Variants in HERC2 observed in about 807,000 individuals in gnomAD.
The protein encoded by HERC2 is HECT and RLD domain containing E3 ubiquitin protein ligase 2, also known as E3 ubiquitin-protein ligase HERC2.
In HERC2, 102 loss-of-function variants were observed where a neutral mutation model predicts 537.7. The ratio of observed to expected loss-of-function variants is 0.19; its 90% CI spans 0.16 to 0.22. The LOEUF is 0.22. HERC2 is among the 10% of genes least tolerant of loss of function. The pLI is 1.00. For missense variants in HERC2, 4,236 were observed against 6,198.2 expected, an observed-to-expected ratio of 0.68 and a Z score of 10.63; for synonymous variants, 2,224 against 2,466.2, an observed-to-expected ratio of 0.90 and a Z score of 2.91.
chr15:28,307,805 A>G (rs563564645), intron 2 of HERC2, among the ~76,000 whole-genome samples: 23 of 152,330 alleles, frequency 1.5e-4, no homozygotes, highest in Middle Eastern at 3.4e-3. Flanking sequence ...TTTATTGAAG[A>G]GATTGTCTTT....
At chr15:28,305,992 C>G (rs1190909412) in intron 2 of HERC2, among the ~76,000 whole-genome samples, 1 of 152,118 alleles carries the variant, frequency 6.6e-6, no homozygotes, top group Non-Finnish European at 1.5e-5. Context: ...CATCTCACAC[C>G]AGTTAGAATG....
intron 69 of HERC2, among the ~76,000 whole-genome samples, chr15:28,156,400 T>A (rs529866403): frequency 2.6e-5 from 4 of 152,356 alleles, no homozygotes; most frequent in African/African-American, 9.6e-5. Context: ...TGGAATGTTA[T>A]TCCATTTGTT....
rs749652854 is a variant in HERC2, at chr15:28,260,741, C to T, written c.2316+36G>A. 12 of 1,580,116 alleles carry T rather than the reference C, an allele frequency of 7.6e-6. No homozygotes were observed. The South Asian group carries it at 1.1e-4, about 15-fold the overall frequency. ...GTAATGAACAACTGGAAACCAAAAT[C>T]CTCCAAAATACCAAATCAAGCTCTA... On this transcript the variant is annotated intron_variant, in intron 16 of 92. Transcript: ENST00000261609.
Position 28,254,669 on chromosome 15 carries a change from G to A in HERC2, c.2872-151C>T, listed in dbSNP as rs1334695913. The A allele has an allele frequency of 5.3e-6, 3 of 563,190 alleles. No homozygotes were observed. In the African/African-American group the frequency reaches 5.8e-5, roughly 11 times the overall value. 34.9% of individuals were successfully genotyped at this position (563,190 alleles called of 1,614,324 possible). ...CCCACAGGCCCCCATCTGCCTTGTTGGAAACCCTAACTCAGTTGTGCAGTT... is the reference window on the plus strand; with the variant it reads ...CCCACAGGCCCCCATCTGCCTTGTTAGAAACCCTAACTCAGTTGTGCAGTT... On this transcript the variant is annotated intron_variant, in intron 19 of 92. Transcript: ENST00000261609.
chr15:28,144,380 G>A (rs1241527972), intron 72 of HERC2, 145 bp from the exon 73 acceptor site: 12 of 825,894 alleles, frequency 1.5e-5, no homozygotes, highest in South Asian at 1.8e-5. Context: ...ACTGCGAGTC[G>A]GTGAGACTCG....
At position 28,248,845 on chromosome 15, in the gene HERC2, T is replaced by C. The variant is rs1008531426; in HGVS notation, c.3051-109A>G. On this transcript the variant is annotated intron_variant, in intron 20 of 92. Coordinates refer to ENST00000261609, the MANE Select transcript of HERC2 (RefSeq NM_004667.6). The stretch of plus-strand genomic sequence containing the variant: ...TAATATCACAAACACAGATCATACA[T>C]GATGACCTGCAGCTGGCTTCCCTCC... The C allele has an allele frequency of 2.6e-5, 22 of 852,698 alleles. No homozygotes were observed. In the Admixed American group the frequency reaches 5.7e-4, roughly 22 times the overall value. 52.8% of individuals were successfully genotyped at this position (852,698 alleles called of 1,614,324 possible). A position where few individuals can be genotyped will look rare whatever the true frequency, so the allele number is the denominator to read the frequency against.
intron 2 of HERC2, among the ~76,000 whole-genome samples, chr15:28,305,960 A>T (rs1363795927): frequency 6.6e-6 from 1 of 152,246 alleles, no homozygotes; most frequent in Non-Finnish European, 1.5e-5. Context: ...GAGAAATGCA[A>T]ATCAAAACCA....
At chr15:28,258,695 A>G (rs182840654) in intron 16 of HERC2, among the ~76,000 whole-genome samples, 113 of 152,330 alleles carry the variant, frequency 7.4e-4, no homozygotes, top group African/African-American at 2.6e-3. Flanking sequence ...AAAAAGAACA[A>G]AGTGAACGCA....
chr15:28,210,946 T>A, intron 44 of HERC2, 56 bp downstream of exon 44: 1 of 968,960 alleles, frequency 1.0e-6, no homozygotes, highest in Non-Finnish European at 1.7e-6. Context: ...TTCACTTCCT[T>A]TGTCTACTTT....
Position 28,299,419 on chromosome 15 carries a change from T to G in HERC2, c.170A>C (p.Glu57Ala), listed in dbSNP as rs373185646. The G allele has an allele frequency of 2.8e-5, 44 of 1,579,772 alleles. No homozygotes were observed. The highest frequency in any genetic ancestry group is 3.5e-5 in the Non-Finnish European group (40 of 1,150,342). Residue 57 changes from glutamate to alanine, a missense_variant, in exon 3 of 93, where the codon GAG (glutamate) becomes GCG (alanine). Physicochemically the swap from Glu to Ala is moderately radical, Grantham distance 107 (BLOSUM62 -1). Transcript: ENST00000261609. Reference sequence around the variant, plus strand: ...GCCCTTACCTTTTCTAGGAGGGAGCTCTCCGTTCTGGGTTGATTCTGTTCC... The same window carrying G: ...GCCCTTACCTTTTCTAGGAGGGAGCGCTCCGTTCTGGGTTGATTCTGTTCC... ...YTGTESTQNG[E>A]LPPRKDDSVE...
intron 8 of HERC2, among the ~76,000 whole-genome samples, chr15:28,272,673 A>T (rs1175147075): frequency 6.6e-6 from 1 of 152,166 alleles, no homozygotes; most frequent in Non-Finnish European, 1.5e-5. Context: ...AAATGAAGAA[A>T]ACTGAAAGAA....
intron 69 of HERC2, among the ~76,000 whole-genome samples, chr15:28,161,117 C>T (rs1893550707): frequency 6.6e-6 from 1 of 152,194 alleles, no homozygotes; most frequent in South Asian, 2.1e-4. Context: ...CCAAACTCTG[C>T]TGCGCTTTCA....
At chr15:28,304,725 T>A (rs1252013848) in intron 2 of HERC2, among the ~76,000 whole-genome samples, 11 of 145,484 alleles carry the variant, frequency 7.6e-5, no homozygotes, top group South Asian at 2.2e-4. Flanking sequence ...TTTTTTTTTT[T>A]ATACTTTAAG....
intron 35 of HERC2, 110 bp downstream of exon 35, chr15:28,228,108 A>G: frequency 2.1e-6 from 2 of 950,020 alleles, no homozygotes; most frequent in Non-Finnish European, 3.1e-6. Flanking sequence ...TTTGTGTCTT[A>G]CCATAATTTA....
chr15:28,291,033 C>G (rs139145104), intron 4 of HERC2, among the ~76,000 whole-genome samples: 114 of 152,224 alleles, frequency 7.5e-4, no homozygotes, highest in African/African-American at 2.7e-3. Flanking sequence ...TTTGAAAAAA[C>G]TCAAATTGAT....
In HERC2 at chr15:28,248,671, T is replaced by A; in HGVS notation, c.3116A>T (p.Asp1039Val). The A allele has an allele frequency of 6.2e-7, 1 of 1,614,058 alleles. No homozygotes were observed. Among genetic ancestry groups the A allele is most frequent in the South Asian group, 1.1e-5 (1 of 91,084 alleles). The change falls in exon 21 of 93, where the codon GAC (aspartate) becomes GTC (valine). Residue 1039 changes from aspartate to valine, a missense_variant. Around this residue, in one of 27 missense-constraint regions of HERC2, gnomAD observed 754 missense variants for 1,085.0 expected, o/e 0.69. Coordinates refer to ENST00000261609, the MANE Select transcript of HERC2 (RefSeq NM_004667.6). ...DVARRISSCL[D>V]FEQHSRERSA... ...TCTTTCACGACTGTGTTGCTCAAAGTCCAGACATGATGAAATCCGACGGGC... is the reference window on the plus strand; with the variant it reads ...TCTTTCACGACTGTGTTGCTCAAAGACCAGACATGATGAAATCCGACGGGC...
rs1368584386 is a variant in HERC2 at position 28,218,718 on chromosome 15, G to A, written c.5846-47C>T. ...ACAAATTATATTCCCAAGTAAAACTGGAAGATAGTCCTGCATATAATTCAA... is the reference window on the plus strand; with the variant it reads ...ACAAATTATATTCCCAAGTAAAACTAGAAGATAGTCCTGCATATAATTCAA... On this transcript the variant is annotated intron_variant, in intron 37 of 92. Coordinates refer to ENST00000261609, the MANE Select transcript of HERC2 (RefSeq NM_004667.6). The A allele has an allele frequency of 7.6e-6, 11 of 1,438,744 alleles. No homozygotes were observed. The African/African-American group carries it at 1.5e-4, about 20-fold the overall frequency. The allele number at this position is 1,438,744 out of a possible 1,614,324, so 89.1% of individuals were successfully genotyped here. A position where few individuals can be genotyped will look rare whatever the true frequency, so the allele number is the denominator to read the frequency against.
rs11268055 is a variant in HERC2 at position 28,205,285 on chromosome 15, C to CTGCAGGGAGCACGTGCACCACCCCACG, written c.7212+954_7212+955insCGTGGGGTGGTGCACGTGCTCCCTGCA. 1.3e-4 allele frequency among the ~76,000 whole-genome samples: 2 copies of CTGCAGGGAGCACGTGCACCACCCCACG among 15,464 alleles called. 1 individual carries two copies. Among genetic ancestry groups the CTGCAGGGAGCACGTGCACCACCCCACG allele is most frequent in the Non-Finnish European group, 3.0e-4 (2 of 6,604 alleles). 10.1% of individuals were successfully genotyped at this position (15,464 alleles called of 152,430 possible). On this transcript the variant is annotated intron_variant, in intron 45 of 92. Coordinates refer to ENST00000261609, the MANE Select transcript of HERC2 (RefSeq NM_004667.6). Reference sequence around the variant, plus strand: ...TCACACTCGGCATCTCCCAGCATGACTGCTCTCAAGTTGCTCAGCGTCTTC... The same window carrying CTGCAGGGAGCACGTGCACCACCCCACG: ...TCACACTCGGCATCTCCCAGCATGACTGCAGGGAGCACGTGCACCACCCCACGTGCTCTCAAGTTGCTCAGCGTCTTC...
chr15:28,260,794 CA>C lies in HERC2; in HGVS notation c.2298del (p.Ile766MetfsTer32). 6.2e-7 allele frequency: 1 copy of C among 1,614,128 alleles called. No individual in the cohort carries two copies. The highest frequency in any genetic ancestry group is 8.5e-7 in the Non-Finnish European group (1 of 1,179,974). On this transcript the variant is annotated frameshift_variant, in exon 16 of 93. Coordinates refer to ENST00000261609, the MANE Select transcript of HERC2 (RefSeq NM_004667.6). LOFTEE classifies it high-confidence loss of function. ...TTCAGTACCTGGGCAGGCCCACAGG[CA>C]ATTCCCACTATGTGTTTGGTGTCCA... is the stretch of plus-strand genomic sequence containing the variant. ...PGLDTKHIVGIACGPAQSFAW... is the reference protein window; with the variant it reads ...PGLDTKHIVGXACGPAQSFAW...
Sources: allele counts gnomAD v4.1 joint callset (sites outside exome capture counted in the v4.1 genomes callset), GRCh38; gene constraint gnomAD v4.1.1; regional missense constraint gnomAD v4.1.1; transcripts MANE v1.5; gene names NCBI Gene and HGNC (gene_info 2026-07-23, HGNC 2026-07-21).